The following SLC24A3 variants were observed in gnomAD, a reference collection of about 807,000 sequenced individuals.
SLC24A3 encodes the protein sodium/potassium/calcium exchanger 3.
In SLC24A3, 28 loss-of-function variants were observed where a neutral mutation model predicts 75.8. That is an observed-to-expected ratio of 0.37 (90% CI 0.27 to 0.51). The LOEUF (loss-of-function observed/expected upper bound fraction) is 0.51, where lower values mean the gene tolerates loss of function less well. Ranked by LOEUF, SLC24A3 falls within the 20% of genes least tolerant of loss-of-function variation. The pLI is 0.94. For missense variants in SLC24A3, 663 were observed against 847.8 expected, an observed-to-expected ratio of 0.78 and a Z score of 2.71; for synonymous variants, 372 against 334.1, an observed-to-expected ratio of 1.11 and a Z score of -1.24.
chr20:19,546,035 T>C (rs2030583586), intron 3 of SLC24A3, among the ~76,000 whole-genome samples: 1 of 151,764 alleles, frequency 6.6e-6, no homozygotes, highest in Non-Finnish European at 1.5e-5. Flanking sequence ...GGCGGGCACC[T>C]GTAGTCCCAG....
intron 9 of SLC24A3, among the ~76,000 whole-genome samples, chr20:19,674,115 G>A (rs953062011): frequency 5.3e-5 from 8 of 152,200 alleles, no homozygotes; most frequent in Non-Finnish European, 1.5e-5. Flanking sequence ...AATTCCTAGG[G>A]TAGGACCTTC....
At chr20:19,270,086 AC>A (rs1983280941) in intron 1 of SLC24A3, among the ~76,000 whole-genome samples, 1 of 152,172 alleles carries the variant, frequency 6.6e-6, no homozygotes, top group Admixed American at 6.5e-5. Flanking sequence ...TGGAGCTACT[AC>A]ACAATGCATT....
At chr20:19,353,327 C>T (rs963146488) in intron 2 of SLC24A3, among the ~76,000 whole-genome samples, 1 of 152,138 alleles carries the variant, frequency 6.6e-6, no homozygotes, top group Admixed American at 6.5e-5. Flanking sequence ...AGGTCATCTA[C>T]AGGCAGGGGG....
At chr20:19,325,900 C>T (rs1984849540) in intron 2 of SLC24A3, among the ~76,000 whole-genome samples, 2 of 147,972 alleles carry the variant, frequency 1.4e-5, no homozygotes, top group Non-Finnish European at 3.0e-5. Context: ...GTTTCATATA[C>T]ACTTTATACA....
At chr20:19,539,932 T>C (rs2030466478) in intron 3 of SLC24A3, among the ~76,000 whole-genome samples, 1 of 151,972 alleles carries the variant, frequency 6.6e-6, no homozygotes, top group African/African-American at 2.4e-5. Flanking sequence ...TCCACCTAAA[T>C]AGGAGGCAGA....
At chr20:19,579,523 T>A (rs1312741333) in intron 3 of SLC24A3, among the ~76,000 whole-genome samples, 2 of 152,240 alleles carry the variant, frequency 1.3e-5, no homozygotes, top group East Asian at 3.9e-4. Context: ...ATTAATTATA[T>A]GACATCATAT....
At chr20:19,418,035 G>T (rs1387857876) in intron 2 of SLC24A3, among the ~76,000 whole-genome samples, 4 of 152,192 alleles carry the variant, frequency 2.6e-5, no homozygotes, top group Non-Finnish European at 4.4e-5. Flanking sequence ...TGCCCACTCT[G>T]CAGTGAAACC....
intron 2 of SLC24A3, among the ~76,000 whole-genome samples, chr20:19,514,671 T>C (rs8121691): frequency 0.024 from 3,685 of 152,196 alleles, 100 homozygotes; most frequent in African/African-American, 0.065. Flanking sequence ...AGAAGGTTGA[T>C]TGGATTTTAT....
intron 2 of SLC24A3, among the ~76,000 whole-genome samples, chr20:19,334,818 C>A (rs1457973861): frequency 6.6e-6 from 1 of 152,166 alleles, no homozygotes; most frequent in Non-Finnish European, 1.5e-5. Context: ...ATTCGCTGAG[C>A]CCTGCTTCTA....
chr20:19,721,408 C>T lies in SLC24A3; in HGVS notation c.*268C>T, dbSNP rs373241636. ...TGACTTTTCCAGCTCCATTTTTGAA[C>T]AGTGACTGAGATTCTAGAAAAACTG... On this transcript the variant is annotated 3_prime_UTR_variant, in exon 17 of 17. Transcript: ENST00000328041. The T allele has an allele frequency of 1.0e-4, 40 of 387,706 alleles. 1 individual carries two copies. Among genetic ancestry groups the T allele is most frequent in the East Asian group, 8.5e-4 (19 of 22,320 alleles). The allele number at this position is 387,706 out of a possible 1,614,324, so 24.0% of individuals were successfully genotyped here.
In SLC24A3 at chr20:19,212,807, C is replaced by T. The variant is rs1259869483; in HGVS notation, c.-36C>T. On this transcript the variant is annotated 5_prime_UTR_variant, in exon 1 of 17. Coordinates refer to ENST00000328041, the MANE Select transcript of SLC24A3 (RefSeq NM_020689.4). ...CGCGGCCGCCCGCGACAGGAGCGGCCGCCGCCCGCCGAGGCCGCCGCCCGG... is the reference window on the plus strand; with the variant it reads ...CGCGGCCGCCCGCGACAGGAGCGGCTGCCGCCCGCCGAGGCCGCCGCCCGG... 1.0e-6 allele frequency: 1 copy of T among 979,404 alleles called. No homozygotes were observed. The highest frequency in any genetic ancestry group is 1.2e-4 in the East Asian group (1 of 8,600). The allele number at this position is 979,404 out of a possible 1,614,324, so 60.7% of individuals were successfully genotyped here.
rs2031019102 is a variant in SLC24A3, at chr20:19,569,665, A to G, written c.349-10335A>G. On this transcript the variant is annotated intron_variant, in intron 3 of 16. Coordinates refer to ENST00000328041, the MANE Select transcript of SLC24A3 (RefSeq NM_020689.4). ...GGCAGGAGGAGTGAGAGGCCCAGAC[A>G]CTTCTTTTTTGCTCCCTCCTGGCTC... 3.3e-5 allele frequency among the ~76,000 whole-genome samples: 5 copies of G among 151,530 alleles called. No individual in the cohort carries two copies. The South Asian group carries it at 1.0e-3, about 32-fold the overall frequency.
At chr20:19,340,614 G>A (rs1985251127) in intron 2 of SLC24A3, among the ~76,000 whole-genome samples, 3 of 152,128 alleles carry the variant, frequency 2.0e-5, no homozygotes, top group Admixed American at 2.0e-4. Flanking sequence ...GGAAGAGTGG[G>A]GTGAAGAGAG....
In SLC24A3 at chr20:19,654,133, C is replaced by T. The variant is rs1189822241; in HGVS notation, c.684C>T (p.Ile228=). ...IYYTLSVIAL[I]VFIYDEKVSW... ...ACACGCTGTCTGTGATCGCGCTCAT[C>T]GTGGTGAGTCACTCTGGCCATTTCA... Residue 228 remains isoleucine, a synonymous_variant, in exon 7 of 17, where the codon ATC becomes ATT. Coordinates refer to ENST00000328041, the MANE Select transcript of SLC24A3 (RefSeq NM_020689.4). 4.3e-6 allele frequency: 7 copies of T among 1,613,460 alleles called. No homozygotes were observed. The highest frequency in any genetic ancestry group is 1.3e-5 in the African/African-American group (1 of 74,872).
chr20:19,642,257 A>G (rs2032084904), intron 6 of SLC24A3, among the ~76,000 whole-genome samples: 1 of 152,234 alleles, frequency 6.6e-6, no homozygotes, highest in Admixed American at 6.5e-5. Context: ...ATAAGATTCT[A>G]TAGCTATTTG....
At chr20:19,239,019 A>G (rs1220765937) in intron 1 of SLC24A3, among the ~76,000 whole-genome samples, 1 of 151,280 alleles carries the variant, frequency 6.6e-6, no homozygotes, top group African/African-American at 2.4e-5. Flanking sequence ...ACCCACTCCT[A>G]AGGTTGGGAT....
chr20:19,636,723 C>T (rs776263930), intron 6 of SLC24A3, among the ~76,000 whole-genome samples: 4 of 152,134 alleles, frequency 2.6e-5, no homozygotes, highest in Non-Finnish European at 5.9e-5. Context: ...CTCACACTAG[C>T]TGCCACATCA....
intron 2 of SLC24A3, among the ~76,000 whole-genome samples, chr20:19,477,284 G>A (rs190627435): frequency 4.0e-4 from 61 of 152,334 alleles, no homozygotes; most frequent in Non-Finnish European, 6.9e-4. Context: ...CCTGGGCTGG[G>A]TCAAGCCTGA....
At chr20:19,268,675 CAT>C (rs1373962461) in intron 1 of SLC24A3, among the ~76,000 whole-genome samples, 1 of 152,212 alleles carries the variant, frequency 6.6e-6, no homozygotes, top group Non-Finnish European at 1.5e-5. Flanking sequence ...CATGGGGCCT[CAT>C]GTGATTTCTT....
Sources: gnomAD v4.1 joint callset for allele counts (sites outside exome capture counted in the v4.1 genomes callset) on GRCh38, gnomAD v4.1.1 for gene constraint, MANE v1.5 for transcripts, NCBI Gene and HGNC (gene_info 2026-07-23, HGNC 2026-07-21) for gene names.